ADAMTS17: variants seen among roughly 807,000 people sequenced by gnomAD.
ADAMTS17 encodes the protein ADAM metallopeptidase with thrombospondin type 1 motif 17.
In ADAMTS17, 113 loss-of-function variants were observed where a neutral mutation model predicts 141.5. The observed-to-expected ratio is 0.80, with a 90% CI of 0.69 to 0.93. The LOEUF (loss-of-function observed/expected upper bound fraction) is 0.93, where lower values mean the gene tolerates loss of function less well. Ranked by LOEUF, ADAMTS17 falls within the 40% of genes least tolerant of loss-of-function variation. ADAMTS17 has a pLI of 0.00. For missense variants in ADAMTS17, 1,659 were observed against 1,517.9 expected, an observed-to-expected ratio of 1.09 and a Z score of -1.54; for synonymous variants, 768 against 630.6, an observed-to-expected ratio of 1.22 and a Z score of -3.27.
At chr15:100,221,134 C>T (rs1051470849) in intron 7 of ADAMTS17, among the ~76,000 whole-genome samples, 5 of 151,968 alleles carry the variant, frequency 3.3e-5, no homozygotes, top group African/African-American at 4.8e-5. Flanking sequence ...GACGGGCAAA[C>T]GCTTATGTGT....
intron 18 of ADAMTS17, among the ~76,000 whole-genome samples, chr15:100,021,981 C>T (rs753994069): frequency 2.0e-5 from 3 of 152,142 alleles, no homozygotes; most frequent in South Asian, 2.1e-4. Flanking sequence ...TAAATGATAC[C>T]GTTCCTGCCA....
At chr15:100,009,341 A>C (rs2061110324) in intron 18 of ADAMTS17, among the ~76,000 whole-genome samples, 1 of 151,976 alleles carries the variant, frequency 6.6e-6, no homozygotes, top group Admixed American at 6.6e-5. Flanking sequence ...TATTCATATA[A>C]TCCTACTTCC....
intron 3 of ADAMTS17, among the ~76,000 whole-genome samples, chr15:100,312,040 A>C (rs1308187529): frequency 1.3e-5 from 2 of 152,196 alleles, no homozygotes; most frequent in Non-Finnish European, 2.9e-5. Context: ...TCGTCCCCAG[A>C]AGGCCATGGG....
chr15:99,983,768 T>G (rs1008655918), intron 20 of ADAMTS17, among the ~76,000 whole-genome samples: 7 of 152,008 alleles, frequency 4.6e-5, no homozygotes, highest in Non-Finnish European at 1.0e-4. Flanking sequence ...TCCACCCCCG[T>G]CCCCACTGAG....
At chr15:100,152,213 T>C (rs185242014) in intron 10 of ADAMTS17, among the ~76,000 whole-genome samples, 92 of 152,338 alleles carry the variant, frequency 6.0e-4, no homozygotes, top group African/African-American at 2.1e-3. Context: ...TGTTGATCCA[T>C]GCAGTGTTTG....
chr15:100,262,905 T>TA (rs1567450879), intron 4 of ADAMTS17, among the ~76,000 whole-genome samples: 1 of 152,050 alleles, frequency 6.6e-6, no homozygotes, highest in Non-Finnish European at 1.5e-5. Context: ...AGATTTTATT[T>TA]AAAAGGTTGT....
chr15:100,039,681 T>C (rs781220041), intron 18 of ADAMTS17, among the ~76,000 whole-genome samples: 3 of 152,214 alleles, frequency 2.0e-5, no homozygotes, highest in Admixed American at 6.5e-5. Context: ...TTCTGAATAG[T>C]GTTCCATGTG....
intron 10 of ADAMTS17, among the ~76,000 whole-genome samples, chr15:100,142,536 T>C (rs2038707990): frequency 6.6e-6 from 1 of 152,236 alleles, no homozygotes; most frequent in Non-Finnish European, 1.5e-5. Context: ...GTGTGCTACA[T>C]GCTAAGTGCT....
rs2035187524 is a variant in ADAMTS17 at position 100,087,531 on chromosome 15, AC to A, written c.2137+8824del. ...GATACCAAAGCCAGGCAGAGACACA[AC>A]CAAAAAAGAGAATTTTAGACCAATA... is the stretch of plus-strand genomic sequence containing the variant. On this transcript the variant is annotated intron_variant, in intron 15 of 21. Transcript: ENST00000268070. Among the ~76,000 whole-genome samples, 5 of 152,314 alleles carry A rather than the reference AC, an allele frequency of 3.3e-5. No homozygotes were observed. The South Asian group carries it at 1.0e-3, about 32-fold the overall frequency.
intron 13 of ADAMTS17, among the ~76,000 whole-genome samples, chr15:100,113,445 T>C (rs750996622): frequency 2.6e-5 from 4 of 152,154 alleles, no homozygotes; most frequent in Non-Finnish European, 5.9e-5. Context: ...TATGGGGTGC[T>C]CTCCTGGAGC....
At chr15:100,141,324 A>G (rs1460625555) in intron 10 of ADAMTS17, among the ~76,000 whole-genome samples, 2 of 152,100 alleles carry the variant, frequency 1.3e-5, no homozygotes, top group Non-Finnish European at 2.9e-5. Context: ...TGTCCCTGTC[A>G]AGGACTGTGA....
chr15:99,977,378 A>T (rs866812084), intron 20 of ADAMTS17, among the ~76,000 whole-genome samples: 5,222 of 21,132 alleles, frequency 0.25, 1,388 homozygotes, highest in Non-Finnish European at 0.31. Context: ...ATATATATAT[A>T]TATATATATA....
rs147671578 is a variant in ADAMTS17, at chr15:100,076,579, T to C, written c.2137+19777A>G. Among the ~76,000 whole-genome samples the C allele has an allele frequency of 3.3e-5, 5 of 152,354 alleles. No homozygotes were observed. In the East Asian group the frequency reaches 9.6e-4, roughly 29 times the overall value. On this transcript the variant is annotated intron_variant, in intron 15 of 21. Transcript: ENST00000268070. The stretch of plus-strand genomic sequence containing the variant: ...ACAAGTTCTAATCATACTGACTGCT[T>C]GCAGTAGGTGTGGTAGGGAGAAATA...
At chr15:100,179,681 T>G (rs1304380438) in intron 8 of ADAMTS17, among the ~76,000 whole-genome samples, 1 of 152,218 alleles carries the variant, frequency 6.6e-6, no homozygotes, top group African/African-American at 2.4e-5. Context: ...AGGGTTGCCT[T>G]TTTTCCACAA....
intron 3 of ADAMTS17, among the ~76,000 whole-genome samples, chr15:100,293,215 G>A (rs536895623): frequency 6.6e-6 from 1 of 152,236 alleles, no homozygotes; most frequent in South Asian, 2.1e-4. Flanking sequence ...GGGAGTGGGG[G>A]GAACAGAACT....
chr15:99,972,595 G>A lies in ADAMTS17; in HGVS notation c.*1807C>T, dbSNP rs984013375. ...AAATGGGAATTCATGGGAGTCTGCTGGTGGCCAGGCCTGAAGGGGAGGACA... is the reference window on the plus strand; with the variant it reads ...AAATGGGAATTCATGGGAGTCTGCTAGTGGCCAGGCCTGAAGGGGAGGACA... On this transcript the variant is annotated 3_prime_UTR_variant, in exon 22 of 22. Transcript: ENST00000268070. 1.3e-5 allele frequency: 2 copies of A among 152,218 alleles called. No individual in the cohort carries two copies. Among genetic ancestry groups the A allele is most frequent in the Non-Finnish European group, 1.5e-5 (1 of 68,042 alleles). The allele number at this position is 152,218 out of a possible 1,614,324, so 9.4% of individuals were successfully genotyped here.
chr15:100,235,822 T>C (rs1204764343), intron 7 of ADAMTS17, among the ~76,000 whole-genome samples: 1 of 152,144 alleles, frequency 6.6e-6, no homozygotes, highest in African/African-American at 2.4e-5. Flanking sequence ...TTTACCTCAT[T>C]CTATTACCTT....
rs904805743 is a variant in ADAMTS17, at chr15:99,972,463, C to A, written c.*1939G>T. 1 of 152,194 alleles carries A rather than the reference C, an allele frequency of 6.6e-6. No homozygotes were observed. Among genetic ancestry groups the A allele is most frequent in the Non-Finnish European group, 1.5e-5 (1 of 68,038 alleles). 9.4% of individuals were successfully genotyped at this position (152,194 alleles called of 1,614,324 possible). A position where few individuals can be genotyped will look rare whatever the true frequency, so the allele number is the denominator to read the frequency against. The stretch of plus-strand genomic sequence containing the variant: ...GCTTCCTTAGTGAGCTTGCCCGGCT[C>A]TGCTCCTTGGCTGCAAAAGTCTAAA... On this transcript the variant is annotated 3_prime_UTR_variant, in exon 22 of 22. Coordinates refer to ENST00000268070, the MANE Select transcript of ADAMTS17 (RefSeq NM_139057.4).
chr15:100,136,247 T>C (rs927546998), intron 10 of ADAMTS17, among the ~76,000 whole-genome samples: 1 of 150,664 alleles, frequency 6.6e-6, no homozygotes. Flanking sequence ...TTCATTTACA[T>C]ACAGTTTAAC....
Sources: allele counts gnomAD v4.1 joint callset (sites outside exome capture counted in the v4.1 genomes callset), GRCh38; gene constraint gnomAD v4.1.1; transcripts MANE v1.5; gene names NCBI Gene and HGNC (gene_info 2026-07-23, HGNC 2026-07-21).